Variants in RAB11A observed in about 807,000 individuals in gnomAD.
The protein encoded by RAB11A is RAB11A, member RAS oncogene family.
A neutral mutation model predicts 28.0 loss-of-function variants in RAB11A; 9 were observed. The observed-to-expected ratio is 0.32, with a 90% CI of 0.19 to 0.56. The LOEUF (loss-of-function observed/expected upper bound fraction) is 0.56. Among genes scored for constraint, RAB11A ranks in the 20% least tolerant of loss-of-function variants. The probability of loss-of-function intolerance (pLI) is 0.91; values close to 1 mark genes in which losing one functional copy is unlikely to be tolerated. For synonymous variants in RAB11A, 85 were observed against 88.2 expected (o/e 0.96, Z 0.20); for missense variants, 108 against 269.6 (o/e 0.40, Z 4.20).
intron 4 of RAB11A, among the ~76,000 whole-genome samples, chr15:65,883,644 T>A (rs1433602436): frequency 6.6e-6 from 1 of 152,090 alleles, no homozygotes; most frequent in Non-Finnish European, 1.5e-5. Context: ...AGACTCTGCC[T>A]CCTAGGTTCA....
At chr15:65,876,336 G>A (rs1420363296) in intron 1 of RAB11A, among the ~76,000 whole-genome samples, 3 of 151,666 alleles carry the variant, frequency 2.0e-5, no homozygotes, top group Non-Finnish European at 4.4e-5. Flanking sequence ...TCAGTGTGTC[G>A]CCCAGGCTGG....
At chr15:65,869,796 G>T (rs1158612154) in intron 1 of RAB11A, among the ~76,000 whole-genome samples, 171 bp downstream of exon 1, 1 of 152,132 alleles carries the variant, frequency 6.6e-6, no homozygotes, top group Non-Finnish European at 1.5e-5. Context: ...CGCTCAGACA[G>T]GGGTCCCCAT....
chr15:65,879,137 T>A (rs1321200058), intron 3 of RAB11A, among the ~76,000 whole-genome samples: 1 of 151,918 alleles, frequency 6.6e-6, no homozygotes, highest in African/African-American at 2.4e-5. Context: ...AGACTGCTGG[T>A]GTGTGTCACC....
chr15:65,890,343 C>G lies in RAB11A; in HGVS notation c.*2503C>G, dbSNP rs1029777595. The G allele has an allele frequency of 1.3e-5, 2 of 152,248 alleles. No homozygotes were observed. Among genetic ancestry groups the G allele is most frequent in the Non-Finnish European group, 2.9e-5 (2 of 68,094 alleles). The allele number at this position is 152,248 out of a possible 1,614,324, so 9.4% of individuals were successfully genotyped here. A position where few individuals can be genotyped will look rare whatever the true frequency, so the allele number is the denominator to read the frequency against. On this transcript the variant is annotated 3_prime_UTR_variant, in exon 5 of 5. Coordinates refer to ENST00000261890, the MANE Select transcript of RAB11A (RefSeq NM_004663.5). ...AAGTGCTGGGATTAAAGGCGTGAGC[C>G]ACCGTGCCTGGCCTTGAATTTTTTT...
Position 65,887,988 on chromosome 15 carries a change from T to G in RAB11A, c.*148T>G. ...TGTCCTAAGTCTTTTGATTTTAGCT[T>G]TATAAAATCATCCACTTGTCCCGAA... is the stretch of plus-strand genomic sequence containing the variant. On this transcript the variant is annotated 3_prime_UTR_variant, in exon 5 of 5. Transcript: ENST00000261890. 1.1e-6 allele frequency: 1 copy of G among 869,918 alleles called. No individual in the cohort carries two copies. The highest frequency in any genetic ancestry group is 1.6e-6 in the Non-Finnish European group (1 of 627,812). 53.9% of individuals were successfully genotyped at this position (869,918 alleles called of 1,614,324 possible).
At chr15:65,870,710 A>T (rs113207507) in intron 1 of RAB11A, among the ~76,000 whole-genome samples, 1 of 152,208 alleles carries the variant, frequency 6.6e-6, no homozygotes. Flanking sequence ...TACCTTTCCC[A>T]AAAGGTTGGG....
Position 65,879,716 on chromosome 15 carries a change from C to A in RAB11A, c.476C>A (p.Thr159Lys), listed in dbSNP as rs375521278. Residue 159 changes from threonine to lysine, a missense_variant, in exon 4 of 5, where the codon ACA becomes AAA. Transcript: ENST00000261890. ...ATTGAAACTTCGGCCCTAGACTCTA[C>A]AAATGTAGAAGCTGCTTTTCAGACA... Reference protein sequence around the residue: ...SFIETSALDSTNVEAAFQTIL... With the variant: ...SFIETSALDSKNVEAAFQTIL... 4 of 1,598,498 alleles carry A rather than the reference C, an allele frequency of 2.5e-6. No homozygotes were observed. Among genetic ancestry groups the A allele is most frequent in the Non-Finnish European group, 3.4e-6 (4 of 1,166,648 alleles).
In RAB11A at chr15:65,875,392, C is replaced by A. The variant is rs1006099354; in HGVS notation, c.41-1940C>A. ...GTGAATGTATCCTATTAATAATAGACTATTAACTGAAACTGAGATTTGACT... is the reference window on the plus strand; with the variant it reads ...GTGAATGTATCCTATTAATAATAGAATATTAACTGAAACTGAGATTTGACT... On this transcript the variant is annotated intron_variant, in intron 1 of 4. Coordinates refer to ENST00000261890, the MANE Select transcript of RAB11A (RefSeq NM_004663.5). Among the ~76,000 whole-genome samples the A allele has an allele frequency of 7.2e-5, 11 of 152,142 alleles. 1 individual carries two copies. Among genetic ancestry groups the A allele is most frequent in the African/African-American group, 2.7e-4 (11 of 41,482 alleles).
intron 4 of RAB11A, among the ~76,000 whole-genome samples, chr15:65,880,341 A>C (rs759559243): frequency 1.9e-4 from 29 of 152,200 alleles, no homozygotes; most frequent in Non-Finnish European, 4.0e-4. Context: ...TCAGCCTCTG[A>C]GATAAGAAGT....
At chr15:65,878,184 T>C in intron 3 of RAB11A, 1 of 583,488 alleles carries the variant, frequency 1.7e-6, no homozygotes, top group Non-Finnish European at 3.1e-6. Context: ...CTGTCTCTTT[T>C]TCTGTTATGT....
chr15:65,875,621 T>C (rs997346973), intron 1 of RAB11A, among the ~76,000 whole-genome samples: 1 of 152,366 alleles, frequency 6.6e-6, no homozygotes, highest in Middle Eastern at 3.4e-3. Context: ...TTGTGCTGCA[T>C]TGGATTCACT....
intron 4 of RAB11A, among the ~76,000 whole-genome samples, chr15:65,883,299 C>A (rs532411575): frequency 6.6e-6 from 1 of 152,308 alleles, no homozygotes; most frequent in African/African-American, 2.4e-5. Context: ...TCGAACAGTT[C>A]CTCAATCTTT....
rs752914626 is a variant in RAB11A, at chr15:65,878,680, AAAAAC to A, written c.430+739_430+743del. Among the ~76,000 whole-genome samples the A allele has an allele frequency of 2.7e-3, 415 of 152,352 alleles. 1 individual carries two copies. The highest frequency in any genetic ancestry group is 3.4e-3 in the Non-Finnish European group (232 of 68,036). On this transcript the variant is annotated intron_variant, in intron 3 of 4. Transcript: ENST00000261890. The stretch of plus-strand genomic sequence containing the variant: ...GCGAAAGAGCGAGACTCCGTCCCAA[AAAAAC>A]AAAACAAAACAAACAAAAAAAGAGA...
At chr15:65,876,705 C>G (rs1297234272) in intron 1 of RAB11A, among the ~76,000 whole-genome samples, 1 of 152,066 alleles carries the variant, frequency 6.6e-6, no homozygotes, top group Non-Finnish European at 1.5e-5. Flanking sequence ...TAACTTTGAA[C>G]CAATCTGATA....
At chr15:65,876,093 C>A (rs2078189879) in intron 1 of RAB11A, among the ~76,000 whole-genome samples, 1 of 152,128 alleles carries the variant, frequency 6.6e-6, no homozygotes, top group South Asian at 2.1e-4. Context: ...TTTAAAACAA[C>A]TTAACTGCCT....
rs977624378 is a variant in RAB11A at position 65,877,271 on chromosome 15, A to AT, written c.41-60dup. 86 of 1,351,290 alleles carry AT rather than the reference A, an allele frequency of 6.4e-5. No homozygotes were observed. The African/African-American group carries it at 9.5e-4, about 15-fold the overall frequency. 83.7% of individuals were successfully genotyped at this position (1,351,290 alleles called of 1,614,324 possible). On this transcript the variant is annotated intron_variant, in intron 1 of 4. Coordinates refer to ENST00000261890, the MANE Select transcript of RAB11A (RefSeq NM_004663.5). This position sits in a 1 kb window ranked among gnomAD's most constrained non-coding sequence, Gnocchi z 4.1. ...AGCCAAACTTCATTCTGTTGAAAGC[A>AT]TAGTGGTGTTCTGAATATGTTTGCC...
At chr15:65,884,532 T>G (rs912821288) in intron 4 of RAB11A, among the ~76,000 whole-genome samples, 2 of 152,054 alleles carry the variant, frequency 1.3e-5, no homozygotes, top group Admixed American at 1.3e-4. Flanking sequence ...CATAGAGAAG[T>G]AAATAATTAA....
intron 1 of RAB11A, among the ~76,000 whole-genome samples, chr15:65,871,962 C>T (rs1032970146): frequency 8.9e-6 from 1 of 112,540 alleles, no homozygotes; most frequent in South Asian, 3.1e-4. Flanking sequence ...GACAGGGTCT[C>T]GCTCTGTCCC....
At chr15:65,874,969 G>A (rs2078183342) in intron 1 of RAB11A, among the ~76,000 whole-genome samples, 1 of 152,172 alleles carries the variant, frequency 6.6e-6, no homozygotes, top group African/African-American at 2.4e-5. Flanking sequence ...GATCCTCTGA[G>A]CCTGGGAGGT....
Sources: gnomAD v4.1 joint callset for allele counts (sites outside exome capture counted in the v4.1 genomes callset) on GRCh38, gnomAD v4.1.1 for gene constraint, Gnocchi (gnomAD v3.1) non-coding constraint, MANE v1.5 for transcripts, NCBI Gene and HGNC (gene_info 2026-07-23, HGNC 2026-07-21) for gene names.